The following ABL1 variants were observed in gnomAD, a reference collection of about 807,000 sequenced individuals.
ABL1 encodes tyrosine-protein kinase ABL1.
A neutral mutation model predicts 94.7 loss-of-function variants in ABL1; 11 were observed. That is an observed-to-expected ratio of 0.12 (90% CI 0.07 to 0.19). ABL1 has a LOEUF of 0.19. Ranked by LOEUF, ABL1 falls within the 10% of genes least tolerant of loss-of-function variation. The pLI, the probability that ABL1 is intolerant of heterozygous loss-of-function variation, is 1.00. For synonymous variants in ABL1, 656 were observed against 622.4 expected, an observed-to-expected ratio of 1.05 and a Z score of -0.80; for missense variants, 1,082 against 1,489.4, an observed-to-expected ratio of 0.73 and a Z score of 4.50.
chr9:130,820,302 G>T (rs564429773), intron 1 of ABL1, among the ~76,000 whole-genome samples: 3 of 152,230 alleles, frequency 2.0e-5, no homozygotes, highest in African/African-American at 7.2e-5. Flanking sequence ...TCTACAAATG[G>T]CAGCCCTTCA....
Position 130,880,427 on chromosome 9 carries a change from G to T in ABL1, c.1514-73G>T. 1 of 1,552,776 alleles carries T rather than the reference G, an allele frequency of 6.4e-7. No homozygotes were observed. Among genetic ancestry groups the T allele is most frequent in the Admixed American group, 1.9e-5 (1 of 53,584 alleles). On this transcript the variant is annotated intron_variant, in intron 9 of 10. Coordinates refer to ENST00000318560, the MANE Select transcript of ABL1 (RefSeq NM_005157.6). The surrounding 1 kb of genome is among the most constrained non-coding windows in gnomAD (Gnocchi z 4.4). ...AGCACTGTTACCTTACAAAGAAAGAGAACCACCACACCAAGCCAACACCAG... is the reference window on the plus strand; with the variant it reads ...AGCACTGTTACCTTACAAAGAAAGATAACCACCACACCAAGCCAACACCAG...
rs138088154 is a variant in ABL1 at position 130,717,044 on chromosome 9, C to T, written c.136+2589C>T. ...ACATAAATCAGTAAATCAATATTTT[C>T]TTTTTTGTTCGTTTTTGCGACAGAG... On this transcript the variant is annotated intron_variant, in intron 1 of 10. Coordinates refer to the ABL1 transcript ENST00000372348. 3.8e-3 allele frequency among the ~76,000 whole-genome samples: 579 copies of T among 152,044 alleles called. 1 individual carries two copies. Among genetic ancestry groups the T allele is most frequent in the African/African-American group, 0.013 (526 of 41,482 alleles).
intron 1 of ABL1, among the ~76,000 whole-genome samples, chr9:130,721,895 C>G (rs1831519809): frequency 6.9e-6 from 1 of 145,540 alleles, no homozygotes; most frequent in Non-Finnish European, 1.5e-5. Context: ...AATCTCAGCT[C>G]ATTGCAACCT....
intron 1 of ABL1, among the ~76,000 whole-genome samples, chr9:130,799,123 C>A (rs1177468722): frequency 6.6e-6 from 1 of 152,104 alleles, no homozygotes; most frequent in Non-Finnish European, 1.5e-5. Context: ...CCAGGGGAGT[C>A]ATAAAGCTGT....
chr9:130,837,249 T>G (rs1830602978), intron 1 of ABL1, among the ~76,000 whole-genome samples: 1 of 152,218 alleles, frequency 6.6e-6, no homozygotes, highest in African/African-American at 2.4e-5. Context: ...CATCGCTTAT[T>G]TTTTCCAAGT....
intron 1 of ABL1, among the ~76,000 whole-genome samples, chr9:130,845,450 C>T (rs1483458988): frequency 6.6e-6 from 1 of 151,926 alleles, no homozygotes; most frequent in Admixed American, 6.6e-5. Flanking sequence ...CAAGCGAAAC[C>T]CCTGCCTCAG....
chr9:130,743,398 G>A (rs1291157680), intron 1 of ABL1, among the ~76,000 whole-genome samples: 1 of 152,114 alleles, frequency 6.6e-6, no homozygotes, highest in Non-Finnish European at 1.5e-5. Flanking sequence ...ATAGTGCTTG[G>A]GGGAGGTAGC....
At chr9:130,865,506 G>A (rs1028782616) in intron 4 of ABL1, among the ~76,000 whole-genome samples, 9 of 152,172 alleles carry the variant, frequency 5.9e-5, no homozygotes, top group Admixed American at 3.3e-4. Flanking sequence ...CAGCACTTTG[G>A]AAGGCCAAGG....
intron 1 of ABL1, among the ~76,000 whole-genome samples, chr9:130,753,255 C>CA (rs1357341521): frequency 8.0e-5 from 12 of 150,086 alleles, no homozygotes; most frequent in South Asian, 2.1e-4. Flanking sequence ...GACTCCATCT[C>CA]AAAAAAAAAG....
intron 1 of ABL1, among the ~76,000 whole-genome samples, chr9:130,841,182 C>G (rs553227656): frequency 6.6e-6 from 1 of 151,612 alleles, no homozygotes; most frequent in Admixed American, 6.6e-5. Flanking sequence ...GAGTCTCACT[C>G]TGTCGCCCAG....
rs1482700990 is a variant in ABL1 at position 130,862,792 on chromosome 9, C to A, written c.579C>A (p.Asn193Lys). The A allele has an allele frequency of 6.2e-7, 1 of 1,614,102 alleles. No homozygotes were observed. Among genetic ancestry groups the A allele is most frequent in the Non-Finnish European group, 8.5e-7 (1 of 1,180,036 alleles). Residue 193 changes from asparagine (N) to lysine (K), a missense_variant, in exon 4 of 11, where the codon AAC becomes AAA. Asn to Lys is a moderately conservative substitution (Grantham distance 94). Around this residue, in one of 7 missense-constraint regions of ABL1, gnomAD observed 22 missense variants for 23.0 expected, o/e 0.96. Transcript: ENST00000318560. This position sits in a 1 kb window ranked among gnomAD's most constrained non-coding sequence, Gnocchi z 5.5. ...KLYVSSESRF[N>K]TLAELVHHHS... ...ACGTCTCCTCCGAGAGCCGCTTCAA[C>A]ACCCTGGCCGAGTTGGTTCATCATC... is the stretch of plus-strand genomic sequence containing the variant.
chr9:130,750,512 C>T (rs1419245468), intron 1 of ABL1, among the ~76,000 whole-genome samples: 1 of 143,706 alleles, frequency 7.0e-6, no homozygotes, highest in Non-Finnish European at 1.5e-5. Flanking sequence ...AGTGCAGTGG[C>T]GTGATCTTGG....
intron 4 of ABL1, among the ~76,000 whole-genome samples, chr9:130,866,810 T>TC (rs1490808243): frequency 6.6e-6 from 1 of 152,170 alleles, no homozygotes; most frequent in Non-Finnish European, 1.5e-5. Flanking sequence ...GAGGACGTGC[T>TC]TAAGAAAACC....
Position 130,878,934 on chromosome 9 carries a change from A to G in ABL1, c.1423+367A>G, listed in dbSNP as rs374860945. ...CTCTTGTCGCCCAGGCTGGAGTACAATGGCGCAATGTTGGCTCACTTCAAC... is the reference window on the plus strand; with the variant it reads ...CTCTTGTCGCCCAGGCTGGAGTACAGTGGCGCAATGTTGGCTCACTTCAAC... On this transcript the variant is annotated intron_variant, in intron 8 of 10. Transcript: ENST00000318560. Among the ~76,000 whole-genome samples the G allele has an allele frequency of 6.0e-5, 9 of 150,104 alleles. No homozygotes were observed. In the South Asian group the frequency reaches 8.4e-4, roughly 14 times the overall value.
intron 1 of ABL1, among the ~76,000 whole-genome samples, chr9:130,766,026 C>T (rs1320945603): frequency 6.6e-6 from 1 of 152,188 alleles, no homozygotes; most frequent in Non-Finnish European, 1.5e-5. Flanking sequence ...ATTCATCAGA[C>T]TGTATTTGGC....
intron 1 of ABL1, among the ~76,000 whole-genome samples, chr9:130,729,688 A>G (rs1466458736): frequency 6.6e-6 from 1 of 152,054 alleles, no homozygotes; most frequent in African/African-American, 2.4e-5. Flanking sequence ...AGGATATCTA[A>G]TACCACTTTT....
rs1159327276 is a variant in ABL1 at position 130,887,532 on chromosome 9, C to G, written c.*1849C>G. On this transcript the variant is annotated 3_prime_UTR_variant, in exon 11 of 11. Transcript: ENST00000318560. The stretch of plus-strand genomic sequence containing the variant: ...GGCGTGTGCATAGCGTCCTGCCCTG[C>G]CCCCTCGGGGGCCTGTGGTGGCTCC... 4.3e-6 allele frequency: 1 copy of G among 232,924 alleles called. No homozygotes were observed. The highest frequency in any genetic ancestry group is 8.5e-6 in the Non-Finnish European group (1 of 117,848). 14.4% of individuals were successfully genotyped at this position (232,924 alleles called of 1,614,324 possible).
intron 1 of ABL1, among the ~76,000 whole-genome samples, chr9:130,825,338 T>A (rs1238971008): frequency 6.6e-6 from 1 of 152,286 alleles, no homozygotes; most frequent in Non-Finnish European, 1.5e-5. Flanking sequence ...TGTAACGTGA[T>A]CTCCTAGGCC....
rs191959990 is a variant in ABL1 at position 130,865,979 on chromosome 9, G to A, written c.822+2944G>A. Among the ~76,000 whole-genome samples, 11 of 152,052 alleles carry A rather than the reference G, an allele frequency of 7.2e-5. No homozygotes were observed. The East Asian group carries it at 1.2e-3, about 16-fold the overall frequency. On this transcript the variant is annotated intron_variant, in intron 4 of 10. Coordinates refer to ENST00000318560, the MANE Select transcript of ABL1 (RefSeq NM_005157.6). ...CCAAATCCAAAACTTTTTGAGCACCGGCATGCAGCTCAGAGGAAATGCATA... is the reference window on the plus strand; with the variant it reads ...CCAAATCCAAAACTTTTTGAGCACCAGCATGCAGCTCAGAGGAAATGCATA...
Sources: allele counts gnomAD v4.1 joint callset (sites outside exome capture counted in the v4.1 genomes callset), GRCh38; gene constraint gnomAD v4.1.1; regional missense constraint gnomAD v4.1.1; non-coding constraint Gnocchi (gnomAD v3.1); transcripts MANE v1.5; gene names NCBI Gene and HGNC (gene_info 2026-07-23, HGNC 2026-07-21).